MAPK6: variants seen among roughly 807,000 people sequenced by gnomAD.
The protein encoded by MAPK6 is mitogen-activated protein kinase 6, also known as ERK-3.
MAPK6 carries 19 observed loss-of-function variants against 59.3 expected under a neutral mutation model. The observed-to-expected ratio is 0.32, with a 90% CI of 0.22 to 0.47. The LOEUF (loss-of-function observed/expected upper bound fraction) is 0.47, where lower values mean the gene tolerates loss of function less well. MAPK6 is among the 20% of genes least tolerant of loss of function. The pLI is 1.00. For missense variants in MAPK6, 724 were observed against 847.9 expected (o/e 0.85, Z 1.81); for synonymous variants, 316 against 290.3 (o/e 1.09, Z -0.90).
At chr15:52,053,027 G>C (rs955588928) in intron 3 of MAPK6, among the ~76,000 whole-genome samples, 30 of 150,470 alleles carry the variant, frequency 2.0e-4, no homozygotes, top group African/African-American at 6.1e-4. Flanking sequence ...TTGTCTTTTT[G>C]AGTATAGCCA....
upstream of MAPK6, among the ~76,000 whole-genome samples, chr15:52,016,052 T>TTG (rs781352582): frequency 4.2e-4 from 29 of 68,714 alleles, no homozygotes; most frequent in East Asian, 1.3e-3. Flanking sequence ...CCAAACTCCA[T>TTG]CGCGCGCGCG....
chr15:52,009,015 A>G (rs1475202298), intron 3 of MAPK6, among the ~76,000 whole-genome samples: 6 of 152,210 alleles, frequency 3.9e-5, no homozygotes, highest in Non-Finnish European at 8.8e-5. Flanking sequence ...ACCATATGAT[A>G]TACTAATTGA....
At chr15:51,974,731 C>G (rs371324125) in intron 1 of MAPK6, among the ~76,000 whole-genome samples, 98 of 150,658 alleles carry the variant, frequency 6.5e-4, no homozygotes, top group East Asian at 5.5e-3. Flanking sequence ...TTTTTCCCCC[C>G]CCGCAAGACA....
chr15:52,028,656 A>G (rs112699349), intron 1 of MAPK6, among the ~76,000 whole-genome samples: 1 of 152,346 alleles, frequency 6.6e-6, no homozygotes, highest in African/African-American at 2.4e-5. Flanking sequence ...GTGCAGATAT[A>G]GAACATCCCT....
At chr15:51,997,884 G>T (rs928294206) in intron 2 of MAPK6, among the ~76,000 whole-genome samples, 4 of 150,740 alleles carry the variant, frequency 2.7e-5, no homozygotes, top group African/African-American at 9.8e-5. Context: ...GAGTCACCAC[G>T]CCCGGCCTTT....
At chr15:52,005,366 A>G (rs371917409) in intron 3 of MAPK6, among the ~76,000 whole-genome samples, 2 of 152,108 alleles carry the variant, frequency 1.3e-5, no homozygotes, top group East Asian at 1.9e-4. Flanking sequence ...CGCTACTAAA[A>G]AAGTACAAAA....
At chr15:52,055,619 G>C (rs551546048) in intron 3 of MAPK6, among the ~76,000 whole-genome samples, 4 of 152,130 alleles carry the variant, frequency 2.6e-5, no homozygotes, top group African/African-American at 9.7e-5. Context: ...GGGTTCAAGC[G>C]ATTCTCCTGC....
intron 1 of MAPK6, chr15:52,027,855 C>T (rs552467051): frequency 1.8e-4 from 28 of 151,796 alleles, no homozygotes; most frequent in African/African-American, 6.8e-4. Context: ...TCACTGCAGC[C>T]TCTGCGTCCC....
chr15:52,053,068 TG>T (rs1367290571), intron 3 of MAPK6, among the ~76,000 whole-genome samples: 2 of 147,060 alleles, frequency 1.4e-5, no homozygotes, highest in South Asian at 2.1e-4. Context: ...TATCTCATTG[TG>T]GTTTTTTTTT....
chr15:52,026,713 A>G (rs1023846807), intron 1 of MAPK6, among the ~76,000 whole-genome samples: 1 of 152,214 alleles, frequency 6.6e-6, no homozygotes, highest in South Asian at 2.1e-4. Context: ...AATGACATTT[A>G]CAAGACTGTA....
chr15:51,990,439 C>A (rs538311458), intron 2 of MAPK6, among the ~76,000 whole-genome samples: 2 of 152,276 alleles, frequency 1.3e-5, no homozygotes, highest in South Asian at 4.1e-4. Context: ...CAAAGTAGTG[C>A]ATATATTGTA....
upstream of MAPK6, among the ~76,000 whole-genome samples, chr15:52,014,425 T>G (rs1330212172): frequency 1.3e-5 from 2 of 152,102 alleles, no homozygotes; most frequent in Non-Finnish European, 2.9e-5. Flanking sequence ...GAAATCAGGA[T>G]TTAGCCCAGG....
At chr15:52,012,222 C>G (rs2030076016) in intron 3 of MAPK6, among the ~76,000 whole-genome samples, 1 of 152,214 alleles carries the variant, frequency 6.6e-6, no homozygotes, top group African/African-American at 2.4e-5. Flanking sequence ...ACCCAATTCT[C>G]ACATCTTTTT....
chr15:52,035,346 C>A (rs957003150), intron 1 of MAPK6, among the ~76,000 whole-genome samples: 1 of 152,152 alleles, frequency 6.6e-6, no homozygotes, highest in African/African-American at 2.4e-5. Context: ...ACATTCAAAA[C>A]CCATAGGGGG....
intron 3 of MAPK6, among the ~76,000 whole-genome samples, chr15:52,055,727 G>A (rs2031955011): frequency 6.6e-6 from 1 of 152,126 alleles, no homozygotes; most frequent in African/African-American, 2.4e-5. Flanking sequence ...TATTGGTCAG[G>A]TTGGTGTTGA....
intron 2 of MAPK6, among the ~76,000 whole-genome samples, chr15:52,001,947 C>G (rs1194669512): frequency 6.6e-6 from 1 of 152,210 alleles, no homozygotes; most frequent in Non-Finnish European, 1.5e-5. Flanking sequence ...CTTTCCCAAC[C>G]AGAACCCTGA....
At chr15:52,010,362 G>A (rs368666743) in intron 3 of MAPK6, among the ~76,000 whole-genome samples, 1 of 151,444 alleles carries the variant, frequency 6.6e-6, no homozygotes, top group Non-Finnish European at 1.5e-5. Flanking sequence ...GAGATTACAG[G>A]TGCCACCACA....
intron 2 of MAPK6, among the ~76,000 whole-genome samples, chr15:51,993,155 T>C (rs911282366): frequency 6.6e-6 from 1 of 152,098 alleles, no homozygotes; most frequent in African/African-American, 2.4e-5. Flanking sequence ...AGTTACCTCA[T>C]TAGAAAAAGA....
intron 3 of MAPK6, among the ~76,000 whole-genome samples, chr15:52,052,719 A>G (rs1171908396): frequency 6.6e-6 from 1 of 152,210 alleles, no homozygotes; most frequent in Non-Finnish European, 1.5e-5. Flanking sequence ...GGCATATGTT[A>G]GTACTTTTTT....
Sources: gnomAD v4.1 joint callset for allele counts (sites outside exome capture counted in the v4.1 genomes callset) on GRCh38, gnomAD v4.1.1 for gene constraint, MANE v1.5 for transcripts, NCBI Gene and HGNC (gene_info 2026-07-23, HGNC 2026-07-21) for gene names.